TXNL4A: variants seen among roughly 807,000 people sequenced by gnomAD.
TXNL4A encodes the protein thioredoxin like 4A, also known as thioredoxin-like protein 4A.
A neutral mutation model predicts 14.6 loss-of-function variants in TXNL4A; 17 were observed. The ratio of observed to expected loss-of-function variants is 1.16; its 90% CI spans 0.80 to 1.74. The LOEUF (loss-of-function observed/expected upper bound fraction) is 1.74, where lower values mean the gene tolerates loss of function less well. Ranked by LOEUF, TXNL4A falls within the 40% of genes most tolerant of loss-of-function variation. TXNL4A has a pLI of 0.00. For synonymous variants in TXNL4A, 83 were observed against 70.6 expected (o/e 1.18, Z -0.88); for missense variants, 74 against 195.2 (o/e 0.38, Z 3.70).
intron 2 of TXNL4A, among the ~76,000 whole-genome samples, chr18:79,977,133 A>G (rs961140354): frequency 1.9e-4 from 29 of 151,906 alleles, no homozygotes; most frequent in East Asian, 5.8e-4. Flanking sequence ...CTAATTTTGT[A>G]TTTTTAGTAG....
chr18:79,999,257 CG>C (rs1480231097), intron 1 of TXNL4A, among the ~76,000 whole-genome samples: 1 of 152,012 alleles, frequency 6.6e-6, no homozygotes, highest in African/African-American at 2.4e-5. Flanking sequence ...TATTCTAGGC[CG>C]GGTGCAGTGA....
intron 1 of TXNL4A, among the ~76,000 whole-genome samples, chr18:79,985,544 T>C (rs532468470): frequency 1.3e-5 from 2 of 152,300 alleles, no homozygotes; most frequent in South Asian, 4.1e-4. Context: ...TGAGACACAG[T>C]GCCCAGATGA....
intron 1 of TXNL4A, among the ~76,000 whole-genome samples, chr18:80,021,142 A>G (rs1187112527): frequency 6.6e-6 from 1 of 151,896 alleles, no homozygotes; most frequent in Non-Finnish European, 1.5e-5. Context: ...TCCCTGAGGC[A>G]GCACTGTACA....
intron 1 of TXNL4A, among the ~76,000 whole-genome samples, chr18:79,984,104 G>A (rs1369091680): frequency 6.6e-6 from 1 of 151,982 alleles, no homozygotes; most frequent in Non-Finnish European, 1.5e-5. Flanking sequence ...TTTTTCCAGA[G>A]ACAAAAATCC....
At chr18:79,981,476 AACCT>A (rs1211215142) in intron 1 of TXNL4A, among the ~76,000 whole-genome samples, 1 of 152,022 alleles carries the variant, frequency 6.6e-6, no homozygotes, top group African/African-American at 2.4e-5. Context: ...GTTCGAGACC[AACCT>A]GGCCAACGTG....
intron 1 of TXNL4A, among the ~76,000 whole-genome samples, chr18:79,999,794 T>C (rs890070475): frequency 6.6e-6 from 1 of 152,132 alleles, no homozygotes; most frequent in Non-Finnish European, 1.5e-5. Flanking sequence ...AATTCTCACA[T>C]GTTGTGGGAG....
chr18:79,984,451 G>A (rs936403746), intron 1 of TXNL4A, among the ~76,000 whole-genome samples: 10 of 152,128 alleles, frequency 6.6e-5, no homozygotes, highest in Non-Finnish European at 8.8e-5. Context: ...AAATTAGCAG[G>A]GTGTGGTGGT....
intron 1 of TXNL4A, among the ~76,000 whole-genome samples, chr18:80,026,003 G>A (rs1274600108): frequency 6.6e-6 from 1 of 152,232 alleles, no homozygotes. Context: ...ATTAGTTTTA[G>A]ATTATTTCAC....
chr18:80,026,803 TA>T (rs1335202955), intron 1 of TXNL4A, among the ~76,000 whole-genome samples: 2 of 152,154 alleles, frequency 1.3e-5, no homozygotes, highest in African/African-American at 4.8e-5. Flanking sequence ...TCAACATCCA[TA>T]ATGCCGACAT....
rs192439759 is a variant in TXNL4A, at chr18:80,015,119, G to A, written c.-61+18732C>T. ...AAACATTTTTTCCTCCTTGGCTTCT[G>A]GGTCTGTGATGGCAGGGGCCACCAT... is the stretch of plus-strand genomic sequence containing the variant. On this transcript the variant is annotated intron_variant, in intron 1 of 2. Coordinates refer to the TXNL4A transcript ENST00000585474. 6.4e-3 allele frequency among the ~76,000 whole-genome samples: 972 copies of A among 152,280 alleles called. 7 individuals are homozygous for A. The highest frequency in any genetic ancestry group is 9.2e-3 in the Non-Finnish European group (627 of 68,018).
At chr18:80,017,999 C>T (rs1236470558) in intron 1 of TXNL4A, among the ~76,000 whole-genome samples, 3 of 151,344 alleles carry the variant, frequency 2.0e-5, no homozygotes, top group Non-Finnish European at 2.9e-5. Context: ...GTCCTGGACT[C>T]TTTTTGGTTG....
chr18:80,005,484 T>C (rs1423654316), intron 1 of TXNL4A, among the ~76,000 whole-genome samples: 2 of 152,232 alleles, frequency 1.3e-5, no homozygotes, highest in Non-Finnish European at 2.9e-5. Context: ...TTAGGATATG[T>C]TTTTCAGGAA....
intron 1 of TXNL4A, among the ~76,000 whole-genome samples, chr18:80,026,416 T>C (rs1291311311): frequency 6.6e-6 from 1 of 151,888 alleles, no homozygotes; most frequent in Non-Finnish European, 1.5e-5. Flanking sequence ...GGCAGGAAAA[T>C]GCAACTCAGG....
At position 79,985,262 on chromosome 18, in the gene TXNL4A, C is replaced by CT. The variant is rs556330985; in HGVS notation, c.153+2977dup. On this transcript the variant is annotated intron_variant, in intron 1 of 2. Coordinates refer to ENST00000269601, the MANE Select transcript of TXNL4A (RefSeq NM_006701.5). ...ATAAAATCAGCTGCTAAATAGAAAACTTTTTTTTTTTGAGACAGGGTCTCG... is the reference window on the plus strand; with the variant it reads ...ATAAAATCAGCTGCTAAATAGAAAACTTTTTTTTTTTTGAGACAGGGTCTCG... Among the ~76,000 whole-genome samples, 192 of 147,960 alleles carry CT rather than the reference C, an allele frequency of 1.3e-3. 3 individuals carry two copies. In the South Asian group the frequency reaches 0.021, roughly 16 times the overall value.
At chr18:80,028,016 CTT>C (rs1217151215) in intron 1 of TXNL4A, among the ~76,000 whole-genome samples, 1 of 152,208 alleles carries the variant, frequency 6.6e-6, no homozygotes, top group African/African-American at 2.4e-5. Flanking sequence ...CTTGTGGACT[CTT>C]GAGGGACAAT....
chr18:80,029,072 A>G (rs1478247883), intron 1 of TXNL4A, among the ~76,000 whole-genome samples: 1 of 152,256 alleles, frequency 6.6e-6, no homozygotes, highest in East Asian at 1.9e-4. Context: ...GAGCTCCTGC[A>G]AAAGAGAAAT....
At chr18:79,977,515 A>T in intron 2 of TXNL4A, 83 bp downstream of exon 2, 1 of 1,212,770 alleles carries the variant, frequency 8.2e-7, no homozygotes, top group South Asian at 1.3e-5. Context: ...CCTTCAAAAT[A>T]AAATAATCTA....
At chr18:79,988,860 G>A (rs919465146), upstream of TXNL4A, among the ~76,000 whole-genome samples, 4 of 152,226 alleles carry the variant, frequency 2.6e-5, no homozygotes, top group Admixed American at 1.3e-4. Context: ...TCCAGCCACG[G>A]ATGGGGACGT....
Position 79,973,621 on chromosome 18 carries a change from T to C in TXNL4A, c.*64A>G. 4 of 1,537,834 alleles carry C rather than the reference T, an allele frequency of 2.6e-6. No homozygotes were observed. The highest frequency in any genetic ancestry group is 2.5e-5 in the South Asian group (2 of 78,472). On this transcript the variant is annotated 3_prime_UTR_variant, in exon 3 of 3. Coordinates refer to ENST00000269601, the MANE Select transcript of TXNL4A (RefSeq NM_006701.5). The stretch of plus-strand genomic sequence containing the variant: ...TCCTGTATTTTCCAAAGGCTTTAAA[T>C]AGCTTAAAACGTTTCCATACAAAAA...
Sources: allele counts gnomAD v4.1 joint callset (sites outside exome capture counted in the v4.1 genomes callset), GRCh38; gene constraint gnomAD v4.1.1; transcripts MANE v1.5; gene names NCBI Gene and HGNC (gene_info 2026-07-23, HGNC 2026-07-21).